Variants in SLC16A12 observed in about 807,000 individuals in gnomAD.
The protein encoded by SLC16A12 is solute carrier family 16 member 12, also known as monocarboxylate transporter 12.
In SLC16A12, 17 loss-of-function variants were observed where a neutral mutation model predicts 42.4. The observed-to-expected ratio is 0.40, with a 90% confidence interval of 0.27 to 0.60. The LOEUF (loss-of-function observed/expected upper bound fraction) is 0.60. Among genes scored for constraint, SLC16A12 ranks in the 20% least tolerant of loss-of-function variants. The probability of loss-of-function intolerance (pLI) is 0.42; values close to 1 mark genes in which losing one functional copy is unlikely to be tolerated. For synonymous variants in SLC16A12, 224 were observed against 229.4 expected, an observed-to-expected ratio of 0.98 and a Z score of 0.21; for missense variants, 544 against 623.0, an observed-to-expected ratio of 0.87 and a Z score of 1.35.
chr10:89,454,376 T>C (rs1564573899), intron 3 of SLC16A12, among the ~76,000 whole-genome samples: 1 of 152,100 alleles, frequency 6.6e-6, no homozygotes. Flanking sequence ...CACCAGCACC[T>C]TTCTCTGGTA....
exon 1 of SLC16A12, chr10:89,556,617 T>C (rs1843817431): frequency 1.3e-5 from 2 of 152,266 alleles, no homozygotes; most frequent in Admixed American, 6.5e-5. Context: ...CCTTGTCTGA[T>C]CATAGGTCAG....
At chr10:89,502,310 C>T (rs1843000954) in intron 2 of SLC16A12, among the ~76,000 whole-genome samples, 1 of 151,938 alleles carries the variant, frequency 6.6e-6, no homozygotes, top group Non-Finnish European at 1.5e-5. Context: ...ATTAGCCAGG[C>T]ATGGTGGTGG....
chr10:89,463,166 C>T (rs1589680306), intron 2 of SLC16A12: 1 of 152,386 alleles, frequency 6.6e-6, no homozygotes, highest in Non-Finnish European at 1.5e-5. Flanking sequence ...TACACTGTTA[C>T]ACAAAAGATA....
chr10:89,521,709 GGAA>G (rs1006632803), intron 2 of SLC16A12, among the ~76,000 whole-genome samples: 11 of 152,322 alleles, frequency 7.2e-5, no homozygotes, highest in Admixed American at 1.3e-4. Flanking sequence ...GGGAGGAGGA[GGAA>G]GAAGAGGAGG....
chr10:89,461,370 T>C (rs1389914989), intron 3 of SLC16A12, among the ~76,000 whole-genome samples: 1 of 152,184 alleles, frequency 6.6e-6, no homozygotes, highest in South Asian at 2.1e-4. Flanking sequence ...GTTTTAAGCT[T>C]CCAGGGGCTT....
intron 2 of SLC16A12, among the ~76,000 whole-genome samples, chr10:89,521,202 T>G (rs1000496090): frequency 1.3e-4 from 20 of 152,202 alleles, no homozygotes; most frequent in African/African-American, 4.6e-4. Flanking sequence ...ATGCCTTGTC[T>G]CTGTCATAGA....
At chr10:89,441,581 G>T (rs1218978322) in intron 4 of SLC16A12, among the ~76,000 whole-genome samples, 1 of 152,154 alleles carries the variant, frequency 6.6e-6, no homozygotes, top group East Asian at 1.9e-4. Context: ...TTTGCACAGG[G>T]ATGCTTACTA....
intron 2 of SLC16A12, among the ~76,000 whole-genome samples, chr10:89,498,376 G>T (rs957922732): frequency 6.6e-6 from 1 of 152,148 alleles, no homozygotes; most frequent in Non-Finnish European, 1.5e-5. Flanking sequence ...AATTGATTGA[G>T]ATTAATTACA....
intron 2 of SLC16A12, among the ~76,000 whole-genome samples, chr10:89,476,568 G>A (rs972329742): frequency 6.6e-6 from 1 of 152,210 alleles, no homozygotes; most frequent in South Asian, 2.1e-4. Context: ...GACTCAATAA[G>A]CAGTTACTGA....
chr10:89,452,422 C>T (rs997268123), intron 3 of SLC16A12, among the ~76,000 whole-genome samples: 1 of 152,068 alleles, frequency 6.6e-6, no homozygotes, highest in African/African-American at 2.4e-5. Context: ...AATGTGTGGT[C>T]AATTCATTCT....
At chr10:89,549,989 A>T (rs1385039240) in intron 2 of SLC16A12, among the ~76,000 whole-genome samples, 1 of 152,108 alleles carries the variant, frequency 6.6e-6, no homozygotes, top group African/African-American at 2.4e-5. Flanking sequence ...ACTTTCATTC[A>T]TTCCATTCGT....
intron 2 of SLC16A12, among the ~76,000 whole-genome samples, chr10:89,510,085 G>C (rs753794301): frequency 7.2e-5 from 11 of 152,070 alleles, no homozygotes; most frequent in Non-Finnish European, 1.5e-4. Context: ...AAATAAAAGA[G>C]GACACAAACA....
chr10:89,539,354 AGTACTATTT>A (rs370774396), upstream of SLC16A12, among the ~76,000 whole-genome samples: 1,480 of 152,288 alleles, frequency 9.7e-3, 12 homozygotes, highest in South Asian at 0.019. Flanking sequence ...CTCAGAATTG[AGTACTATTT>A]GTACTTTTCT....
chr10:89,521,152 G>C (rs1178281929), intron 2 of SLC16A12, among the ~76,000 whole-genome samples: 1 of 152,188 alleles, frequency 6.6e-6, no homozygotes, highest in Admixed American at 6.5e-5. Context: ...TGCCAGCCAA[G>C]GCTCCTTCCC....
upstream of SLC16A12, among the ~76,000 whole-genome samples, chr10:89,537,742 A>G (rs1589736430): frequency 6.6e-6 from 1 of 152,226 alleles, no homozygotes; most frequent in Non-Finnish European, 1.5e-5. Flanking sequence ...ATAATGTAGG[A>G]CAACAGTTTT....
chr10:89,493,893 G>A (rs1323561262), intron 2 of SLC16A12, among the ~76,000 whole-genome samples: 4 of 152,046 alleles, frequency 2.6e-5, no homozygotes, highest in Admixed American at 1.3e-4. Flanking sequence ...TTTTGTCAAA[G>A]CAAACTATAA....
intron 5 of SLC16A12, among the ~76,000 whole-genome samples, chr10:89,439,544 C>G (rs2133689296): frequency 6.6e-6 from 1 of 152,272 alleles, no homozygotes; most frequent in East Asian, 1.9e-4. Context: ...ATTATCCAGA[C>G]AATTCCCTAA....
rs1843614954 is a variant in SLC16A12, at chr10:89,534,490, G to T, written c.-47+11C>A. ...AGGAGAGTGTTTAACCAGTTTCCTGGCAGGACTCACCTGACTAGACATTTT... is the reference window on the plus strand; with the variant it reads ...AGGAGAGTGTTTAACCAGTTTCCTGTCAGGACTCACCTGACTAGACATTTT... On this transcript the variant is annotated intron_variant, in intron 2 of 7. Transcript: ENST00000371790. 2.0e-5 allele frequency: 3 copies of T among 152,058 alleles called. No individual in the cohort carries two copies. In the South Asian group the frequency reaches 6.3e-4, roughly 32 times the overall value. The allele number at this position is 152,058 out of a possible 1,614,324, so 9.4% of individuals were successfully genotyped here.
chr10:89,452,403 T>A (rs569880391), intron 3 of SLC16A12, among the ~76,000 whole-genome samples: 4 of 152,222 alleles, frequency 2.6e-5, no homozygotes, highest in Admixed American at 2.6e-4. Context: ...TGACATTGCA[T>A]AACATAAAAA....
Sources: allele counts gnomAD v4.1 joint callset (sites outside exome capture counted in the v4.1 genomes callset), GRCh38; gene constraint gnomAD v4.1.1; transcripts MANE v1.5; gene names NCBI Gene and HGNC (gene_info 2026-07-23, HGNC 2026-07-21).